NRXN3: variants seen among roughly 807,000 people sequenced by gnomAD.
NRXN3 encodes the protein neurexin III.
Under a neutral mutation model 137.6 loss-of-function variants are expected in NRXN3, and 32 were observed. That is an observed-to-expected ratio of 0.23 (90% confidence interval 0.18 to 0.31). NRXN3 has a LOEUF of 0.31. Among genes scored for constraint, NRXN3 ranks in the 10% least tolerant of loss-of-function variants. NRXN3 has a pLI of 1.00. For missense variants in NRXN3, 1,574 were observed against 2,062.5 expected (o/e 0.76, Z 4.59); for synonymous variants, 798 against 784.5 (o/e 1.02, Z -0.29).
intron 8 of NRXN3, among the ~76,000 whole-genome samples, chr14:78,774,265 G>A (rs1211122506): frequency 6.6e-6 from 1 of 152,102 alleles, no homozygotes; most frequent in Non-Finnish European, 1.5e-5. Context: ...AAATTTTAAA[G>A]TAAATTTTAA....
At chr14:78,960,662 T>G (rs1387364269) in intron 11 of NRXN3, among the ~76,000 whole-genome samples, 1 of 152,216 alleles carries the variant, frequency 6.6e-6, no homozygotes, top group Non-Finnish European at 1.5e-5. Context: ...TGAGTTATAC[T>G]CCTCAGAATT....
At chr14:79,791,991 C>T (rs2099146812) in intron 19 of NRXN3, among the ~76,000 whole-genome samples, 1 of 152,196 alleles carries the variant, frequency 6.6e-6, no homozygotes, top group African/African-American at 2.4e-5. Context: ...TCAGGCCATA[C>T]TTATGTCCGT....
chr14:79,637,590 T>C (rs895817552), intron 16 of NRXN3, among the ~76,000 whole-genome samples: 1 of 152,094 alleles, frequency 6.6e-6, no homozygotes, highest in African/African-American at 2.4e-5. Flanking sequence ...ACAGCAAACA[T>C]GTAGCTCATC....
At chr14:78,642,933 A>G (rs1286816505) in intron 4 of NRXN3, among the ~76,000 whole-genome samples, 1 of 152,226 alleles carries the variant, frequency 6.6e-6, no homozygotes, top group Non-Finnish European at 1.5e-5. Flanking sequence ...CCCTGTGAGC[A>G]TTTATAGGTG....
rs188534558 is a variant in NRXN3 at position 78,333,015 on chromosome 14, G to T, written c.757+35155G>T. 6.4e-4 allele frequency among the ~76,000 whole-genome samples: 97 copies of T among 152,338 alleles called. 1 individual carries two copies. Among genetic ancestry groups the T allele is most frequent in the Admixed American group, 6.3e-3 (97 of 15,306 alleles). ...CCAGTGGTTTGTGTGCAATGAGATC[G>T]TGCATAGCTTCATTAGTGAGTTTAC... On this transcript the variant is annotated intron_variant, in intron 4 of 20. Transcript: ENST00000335750.
rs546363698 is a variant in NRXN3 at position 78,882,335 on chromosome 14, C to G, written c.2275+71991C>G. Among the ~76,000 whole-genome samples the G allele has an allele frequency of 4.1e-4, 63 of 151,838 alleles. 2 individuals carry two copies. Among genetic ancestry groups the G allele is most frequent in the African/African-American group, 1.5e-3 (61 of 41,116 alleles). Reference sequence around the variant, plus strand: ...TCCTCCAGAACCCAGAATGGTAGATCCACTGACAGCTTGCATTATGTGGCT... The same window carrying G: ...TCCTCCAGAACCCAGAATGGTAGATGCACTGACAGCTTGCATTATGTGGCT... On this transcript the variant is annotated intron_variant, in intron 10 of 20. Transcript: ENST00000335750.
chr14:78,473,402 A>G (rs1165329528), intron 4 of NRXN3, among the ~76,000 whole-genome samples: 1 of 40,922 alleles, frequency 2.4e-5, no homozygotes, highest in East Asian at 1.9e-3. Context: ...ACTCTGTCTC[A>G]AAAAAAAAAA....
intron 1 of NRXN3, among the ~76,000 whole-genome samples, chr14:78,176,872 A>G (rs2059321975): frequency 6.6e-6 from 1 of 151,980 alleles, no homozygotes; most frequent in East Asian, 1.9e-4. Context: ...GGTGGGTGGT[A>G]GGTGTGTCTC....
At chr14:78,859,919 TCTTTCCTCTAAAGATC>T (rs957606852) in intron 10 of NRXN3, among the ~76,000 whole-genome samples, 7 of 152,148 alleles carry the variant, frequency 4.6e-5, no homozygotes, top group Non-Finnish European at 1.0e-4. Context: ...CTACTTGCCA[TCTTTCCTCTAAAGATC>T]CTTAGTCCCT....
chr14:78,483,902 T>A (rs1381511126), intron 4 of NRXN3, among the ~76,000 whole-genome samples: 2 of 151,826 alleles, frequency 1.3e-5, no homozygotes, highest in Non-Finnish European at 2.9e-5. Context: ...GCTAGACTGC[T>A]GGTTCGATTT....
chr14:79,094,515 T>G (rs970818725), intron 15 of NRXN3, among the ~76,000 whole-genome samples: 7 of 152,226 alleles, frequency 4.6e-5, no homozygotes, highest in African/African-American at 1.7e-4. Context: ...AGTCCCTTGG[T>G]TCTGCAAAGT....
chr14:78,807,084 A>T (rs948645223), intron 9 of NRXN3, among the ~76,000 whole-genome samples: 7 of 152,194 alleles, frequency 4.6e-5, no homozygotes, highest in Non-Finnish European at 8.8e-5. Context: ...TGGGTCAATG[A>T]TGTGTTAGTC....
intron 4 of NRXN3, among the ~76,000 whole-genome samples, chr14:78,550,347 A>G (rs75566443): frequency 6.6e-6 from 1 of 151,978 alleles, no homozygotes; most frequent in Non-Finnish European, 1.5e-5. Context: ...GCAAACTTTT[A>G]CTTCTATGAC....
At chr14:79,131,195 GTCCAGCTTTGT>G (rs2057413376) in intron 15 of NRXN3, among the ~76,000 whole-genome samples, 2 of 152,156 alleles carry the variant, frequency 1.3e-5, no homozygotes. Flanking sequence ...GTCATTCTCC[GTCCAGCTTTGT>G]TCCATTGCTG....
intron 10 of NRXN3, among the ~76,000 whole-genome samples, chr14:78,929,186 A>G (rs1395395559): frequency 6.6e-6 from 1 of 152,078 alleles, no homozygotes; most frequent in Middle Eastern, 3.2e-3. Context: ...TTCTTTGTAG[A>G]TTCTGGATAT....
At chr14:79,814,271 T>C (rs1427915948) in intron 20 of NRXN3, among the ~76,000 whole-genome samples, 1 of 152,256 alleles carries the variant, frequency 6.6e-6, no homozygotes, top group African/African-American at 2.4e-5. Context: ...GTGTCTCTTG[T>C]TTGGCACATC....
At chr14:79,012,942 A>G (rs2099573538) in intron 15 of NRXN3, among the ~76,000 whole-genome samples, 1 of 152,150 alleles carries the variant, frequency 6.6e-6, no homozygotes, top group South Asian at 2.1e-4. Context: ...TTTCTTCAGC[A>G]TTTTGCAAGC....
chr14:78,639,598 C>T (rs962386570), intron 4 of NRXN3, among the ~76,000 whole-genome samples: 1 of 152,190 alleles, frequency 6.6e-6, no homozygotes, highest in African/African-American at 2.4e-5. Flanking sequence ...TTCCTGCTGC[C>T]TACCAGGGCT....
In NRXN3 at chr14:79,284,343, C is replaced by CATATATATATATAT. The variant is rs60596302; in HGVS notation, c.3263-182849_3263-182836dup. Among the ~76,000 whole-genome samples, 236 of 65,066 alleles carry CATATATATATATAT rather than the reference C, an allele frequency of 3.6e-3. 4 individuals carry two copies. The highest frequency in any genetic ancestry group is 4.4e-3 in the South Asian group (7 of 1,580). 42.7% of individuals were successfully genotyped at this position (65,066 alleles called of 152,430 possible). On this transcript the variant is annotated intron_variant, in intron 15 of 20. Coordinates refer to ENST00000335750, the MANE Select transcript of NRXN3 (RefSeq NM_001330195.2). ...GGAAACCCCGTCTCTACTAAAAATA[C>CATATATATATATAT]ATATATATATATATATATATATATA...
Sources: allele counts gnomAD v4.1 joint callset (sites outside exome capture counted in the v4.1 genomes callset), GRCh38; gene constraint gnomAD v4.1.1; transcripts MANE v1.5; gene names NCBI Gene and HGNC (gene_info 2026-07-23, HGNC 2026-07-21).